The following OTOG variants were observed in gnomAD, a reference collection of about 807,000 sequenced individuals.
OTOG encodes otogelin.
In OTOG, 296 loss-of-function variants were observed where a neutral mutation model predicts 313.8. That is an observed-to-expected ratio of 0.94 (90% CI 0.86 to 1.04). The LOEUF (loss-of-function observed/expected upper bound fraction) is 1.04. OTOG is among the 50% of genes least tolerant of loss of function. The pLI, the probability that OTOG is intolerant of heterozygous loss-of-function variation, is 0.00. For synonymous variants in OTOG, 1,533 were observed against 1,554.9 expected (o/e 0.99, Z 0.33); for missense variants, 3,948 against 3,840.1 (o/e 1.03, Z -0.74).
At chr11:17,561,389 G>A (rs1852179404) in intron 14 of OTOG, among the ~76,000 whole-genome samples, 1 of 152,228 alleles carries the variant, frequency 6.6e-6, no homozygotes, top group Admixed American at 6.5e-5. Context: ...TCCCGAGCTA[G>A]GGGTACTTGG....
At chr11:17,585,394 C>T (rs1416858777) in intron 23 of OTOG, among the ~76,000 whole-genome samples, 1 of 152,052 alleles carries the variant, frequency 6.6e-6, no homozygotes, top group Non-Finnish European at 1.5e-5. Flanking sequence ...TATTCCTGTC[C>T]CCCTTTTTAT....
rs771337626 is a variant in OTOG at position 17,633,839 on chromosome 11, G to A, written c.7232G>A (p.Arg2411His). The A allele has an allele frequency of 2.9e-5, 45 of 1,548,466 alleles. 1 individual carries two copies. The highest frequency in any genetic ancestry group is 2.7e-4 in the African/African-American group (20 of 72,996). The change falls in exon 43 of 56, where the codon CGC (arginine) becomes CAC (histidine). Residue 2411 changes from arginine to histidine, a missense_variant. Physicochemically the swap from Arg to His is conservative, Grantham distance 29. Coordinates refer to ENST00000399397, the MANE Select transcript of OTOG (RefSeq NM_001292063.2). ...VCSEGTILHRRHSALCIPEAK... is the reference protein window; with the variant it reads ...VCSEGTILHRHHSALCIPEAK... The stretch of plus-strand genomic sequence containing the variant: ...TCCGAGGGCACCATCTTACACCGGC[G>A]CCACTCTGCACTCTGCATCCCGGAG...
intron 42 of OTOG, 46 bp downstream of exon 42, chr11:17,632,272 C>A: frequency 6.6e-7 from 1 of 1,516,036 alleles, no homozygotes; most frequent in Non-Finnish European, 8.9e-7. Flanking sequence ...CTATTGTTCC[C>A]ATCCCCTGTT....
At chr11:17,644,938 G>A (rs914564862) in intron 54 of OTOG, among the ~76,000 whole-genome samples, 1 of 152,184 alleles carries the variant, frequency 6.6e-6, no homozygotes, top group African/African-American at 2.4e-5. Flanking sequence ...ATTGCTAAAG[G>A]AGGTGAGGGC....
rs754883697 is a variant in OTOG, at chr11:17,645,648, G to A, written c.8541+5G>A. 135 of 1,550,708 alleles carry A rather than the reference G, an allele frequency of 8.7e-5. No individual in the cohort carries two copies. Among genetic ancestry groups the A allele is most frequent in the South Asian group, 6.4e-4 (54 of 84,066 alleles). Reference sequence around the variant, plus strand: ...GAATGCAGGAGCAGCACCCCTGTGCGTGGTGCCCACAAGGCAGTGGGGCAG... The same window carrying A: ...GAATGCAGGAGCAGCACCCCTGTGCATGGTGCCCACAAGGCAGTGGGGCAG... On this transcript the variant is annotated splice_donor_5th_base_variant and intron_variant, in intron 55 of 55. Coordinates refer to ENST00000399397, the MANE Select transcript of OTOG (RefSeq NM_001292063.2).
intron 53 of OTOG, among the ~76,000 whole-genome samples, chr11:17,642,493 G>A (rs1847997155): frequency 6.6e-6 from 1 of 152,188 alleles, no homozygotes; most frequent in South Asian, 2.1e-4. Flanking sequence ...ACATGTTCTA[G>A]GCACATTCAG....
intron 15 of OTOG, among the ~76,000 whole-genome samples, chr11:17,567,999 C>T (rs1162584801): frequency 6.6e-6 from 1 of 152,142 alleles, no homozygotes; most frequent in Non-Finnish European, 1.5e-5. Context: ...GCTCCGCCTC[C>T]CGGGTTCACG....
chr11:17,607,574 G>A (rs1390782162), intron 33 of OTOG, among the ~76,000 whole-genome samples: 4 of 152,242 alleles, frequency 2.6e-5, no homozygotes, highest in Non-Finnish European at 4.4e-5. Context: ...GGTTGAATGA[G>A]TAAATCCGTG....
At chr11:17,559,463 C>G (rs1852130366) in intron 11 of OTOG, 71 bp from the exon 12 acceptor site, 1 of 1,540,476 alleles carries the variant, frequency 6.5e-7, no homozygotes, top group African/African-American at 1.4e-5. Flanking sequence ...ACTCCACGGC[C>G]TGGGGTAGGA....
At chr11:17,577,580 A>T (rs1852560519) in intron 22 of OTOG, among the ~76,000 whole-genome samples, 1 of 152,154 alleles carries the variant, frequency 6.6e-6, no homozygotes. Context: ...TGGGCAACCC[A>T]CTTTACCTCT....
At chr11:17,627,845 G>A (rs1430069988) in intron 39 of OTOG, among the ~76,000 whole-genome samples, 2 of 152,068 alleles carry the variant, frequency 1.3e-5, no homozygotes, top group African/African-American at 4.8e-5. Flanking sequence ...ATTTCCTCTA[G>A]ATTTTCTCTT....
At chr11:17,593,945 C>A in intron 27 of OTOG, 102 bp from the exon 28 acceptor site, 1 of 1,475,638 alleles carries the variant, frequency 6.8e-7, no homozygotes, top group Non-Finnish European at 9.2e-7. Flanking sequence ...TCAGCAGTGG[C>A]TTCTAGGTCT....
At position 17,609,792 on chromosome 11, in the gene OTOG, G is replaced by A; in HGVS notation, c.4492G>A (p.Ala1498Thr). The change falls in exon 36 of 56, where the codon GCC becomes ACC. Residue 1498 changes from alanine (A) to threonine (T), a missense_variant. By Grantham distance (58) the Ala-to-Thr change is moderately conservative (BLOSUM62 0). Transcript: ENST00000399397. The stretch of plus-strand genomic sequence containing the variant: ...CCCCAGGACCCCCACCCACAGGCCA[G>A]CCCTCACCCCAGCTGCCCCACTCAC... Reference protein sequence around the residue: ...ESPRTPTHRPALTPAAPLTTA... With the variant: ...ESPRTPTHRPTLTPAAPLTTA... 6.5e-7 allele frequency: 1 copy of A among 1,547,732 alleles called. No individual in the cohort carries two copies. Among genetic ancestry groups the A allele is most frequent in the African/African-American group, 1.4e-5 (1 of 72,968 alleles).
intron 15 of OTOG, among the ~76,000 whole-genome samples, chr11:17,565,498 C>T (rs1259801760): frequency 6.6e-6 from 1 of 152,050 alleles, no homozygotes; most frequent in African/African-American, 2.4e-5. Flanking sequence ...CTCCTTTTTC[C>T]CCCTTTCCAT....
In OTOG at chr11:17,623,536, C is replaced by T. The variant is rs376548072; in HGVS notation, c.6529-5597C>T. Among the ~76,000 whole-genome samples, 115 of 152,266 alleles carry T rather than the reference C, an allele frequency of 7.6e-4. 3 individuals carry two copies. The South Asian group carries it at 0.024, about 31-fold the overall frequency. ...TGTGTATATACTACATTTTCTTTAT[C>T]CAGTCTACCATTGATGGACATTTAG... On this transcript the variant is annotated intron_variant, in intron 39 of 55. Transcript: ENST00000399397.
At chr11:17,591,404 T>A in intron 24 of OTOG, 46 bp from the exon 25 acceptor site, 3 of 1,547,368 alleles carry the variant, frequency 1.9e-6, no homozygotes, top group Non-Finnish European at 2.6e-6. Context: ...TATTCAGGTA[T>A]GGGGTGGGTG....
At position 17,576,853 on chromosome 11, in the gene OTOG, C is replaced by T. The variant is rs1035656794; in HGVS notation, c.2562-15C>T. On this transcript the variant is annotated splice_polypyrimidine_tract_variant and intron_variant, in intron 21 of 55. Coordinates refer to ENST00000399397, the MANE Select transcript of OTOG (RefSeq NM_001292063.2). ...GACTGGGTCGGCTAACCCCAGGGCC[C>T]GTCTCTCTCTGCAGCCACTGCAAAG... is the stretch of plus-strand genomic sequence containing the variant. 8 of 1,550,250 alleles carry T rather than the reference C, an allele frequency of 5.2e-6. No individual in the cohort carries two copies. The highest frequency in any genetic ancestry group is 7.0e-6 in the Non-Finnish European group (8 of 1,146,852).
At chr11:17,601,962 G>T (rs1179949209) in intron 31 of OTOG, among the ~76,000 whole-genome samples, 1 of 152,126 alleles carries the variant, frequency 6.6e-6, no homozygotes, top group East Asian at 1.9e-4. Context: ...CTTCTTCCTT[G>T]GCTCCCTGTG....
chr11:17,608,996 G>A (rs1853458062), intron 34 of OTOG, 134 bp from the exon 35 acceptor site: 4 of 686,610 alleles, frequency 5.8e-6, no homozygotes, highest in Non-Finnish European at 1.0e-5. Flanking sequence ...GGTCATGTGT[G>A]TGTACACGTA....
Sources: allele counts gnomAD v4.1 joint callset (sites outside exome capture counted in the v4.1 genomes callset), GRCh38; gene constraint gnomAD v4.1.1; transcripts MANE v1.5; gene names NCBI Gene and HGNC (gene_info 2026-07-23, HGNC 2026-07-21).